PSPC1: variants seen among roughly 807,000 people sequenced by gnomAD.
The protein encoded by PSPC1 is paraspeckle component 1, also known as paraspeckle protein 1.
A neutral mutation model predicts 51.6 loss-of-function variants in PSPC1; 14 were observed. That is an observed-to-expected ratio of 0.27 (90% CI 0.18 to 0.42). PSPC1 has a LOEUF of 0.42. Ranked by LOEUF, PSPC1 falls within the 10% of genes least tolerant of loss-of-function variation. PSPC1 has a pLI of 1.00. For synonymous variants in PSPC1, 193 were observed against 231.9 expected, an observed-to-expected ratio of 0.83 and a Z score of 1.53; for missense variants, 406 against 701.1, an observed-to-expected ratio of 0.58 and a Z score of 4.75.
chr13:19,700,479 A>T (rs935967455), downstream of PSPC1, among the ~76,000 whole-genome samples: 4 of 152,160 alleles, frequency 2.6e-5, no homozygotes, highest in African/African-American at 9.6e-5. Flanking sequence ...TCAAGAAAGA[A>T]TAGCAAATTG....
intron 5 of PSPC1, chr13:19,736,856 A>AT (rs1884893621): frequency 6.6e-6 from 1 of 152,182 alleles, no homozygotes; most frequent in Admixed American, 6.5e-5. Flanking sequence ...TACTGGCACA[A>AT]TATTATAATT....
chr13:19,678,136 GTCCCTCCTTAT>G, intron 6 of PSPC1: 1 of 275,948 alleles, frequency 3.6e-6, no homozygotes, highest in Non-Finnish European at 7.1e-6. Flanking sequence ...AATTGGCTAA[GTCCCTCCTTAT>G]TTCCACAGGC....
intron 8 of PSPC1, 72 bp downstream of exon 8, chr13:19,705,588 TAA>T (rs1481039158): frequency 3.9e-6 from 4 of 1,018,124 alleles, no homozygotes; most frequent in African/African-American, 3.3e-5. Flanking sequence ...CAAATTATAT[TAA>T]GTGTGAAGTT....
At chr13:19,689,507 CATA>C (rs747144623) in intron 6 of PSPC1, among the ~76,000 whole-genome samples, 1 of 152,166 alleles carries the variant, frequency 6.6e-6, no homozygotes, top group Non-Finnish European at 1.5e-5. Context: ...AAAATTATAT[CATA>C]ATGTCAACTT....
intron 6 of PSPC1, among the ~76,000 whole-genome samples, chr13:19,690,389 C>A (rs187952461): frequency 1.3e-5 from 2 of 152,296 alleles, no homozygotes; most frequent in Admixed American, 6.5e-5. Flanking sequence ...CATTTCCTGA[C>A]GAGTTGCTCC....
chr13:19,756,033 T>G (rs1341990008), intron 3 of PSPC1, among the ~76,000 whole-genome samples: 1 of 152,026 alleles, frequency 6.6e-6, no homozygotes, highest in Non-Finnish European at 1.5e-5. Flanking sequence ...GGTCAGGAGT[T>G]CGAGTCCAGC....
rs192207269 is a variant in PSPC1 at position 19,706,241 on chromosome 13, A to G, written c.1217-410T>C. 5.3e-5 allele frequency among the ~76,000 whole-genome samples: 8 copies of G among 152,326 alleles called. No individual in the cohort carries two copies. The East Asian group carries it at 1.3e-3, about 26-fold the overall frequency. On this transcript the variant is annotated intron_variant, in intron 7 of 8. Transcript: ENST00000338910. ...AATTTTTTTCAACCCATGGCTAAAA[A>G]TATTAGCAGTAAATTATGCTAAGTT...
chr13:19,765,925 T>C (rs1376095691), intron 2 of PSPC1, among the ~76,000 whole-genome samples: 2 of 152,168 alleles, frequency 1.3e-5, no homozygotes, highest in Admixed American at 1.3e-4. Context: ...ATTTTTTTTG[T>C]CTAAAAGTAA....
At chr13:19,774,387 T>C (rs969660233) in intron 1 of PSPC1, among the ~76,000 whole-genome samples, 6 of 152,202 alleles carry the variant, frequency 3.9e-5, no homozygotes, top group Non-Finnish European at 7.4e-5. Flanking sequence ...CAGCTTGAAA[T>C]TATTGCCCTT....
intron 6 of PSPC1, among the ~76,000 whole-genome samples, chr13:19,685,227 T>C (rs1342749452): frequency 6.6e-6 from 1 of 152,198 alleles, no homozygotes; most frequent in East Asian, 1.9e-4. Context: ...AGCCCAACCT[T>C]TGGCCCTTGG....
At chr13:19,739,908 T>A (rs1359953846) in intron 5 of PSPC1, among the ~76,000 whole-genome samples, 2 of 151,358 alleles carry the variant, frequency 1.3e-5, no homozygotes, top group East Asian at 1.9e-4. Flanking sequence ...TTCAGATCTA[T>A]CTGAATGCTG....
At chr13:19,722,681 C>T (rs1882913424) in intron 6 of PSPC1, among the ~76,000 whole-genome samples, 1 of 152,036 alleles carries the variant, frequency 6.6e-6, no homozygotes, top group South Asian at 2.1e-4. Flanking sequence ...GTCATCCCAG[C>T]TACTCGGGAG....
intron 2 of PSPC1, among the ~76,000 whole-genome samples, chr13:19,765,869 T>C (rs1269262663): frequency 2.0e-5 from 3 of 152,202 alleles, no homozygotes; most frequent in African/African-American, 7.2e-5. Context: ...AGATAACTCA[T>C]TATTTTCAAC....
At chr13:19,733,188 G>C (rs930366803) in intron 5 of PSPC1, among the ~76,000 whole-genome samples, 1 of 152,172 alleles carries the variant, frequency 6.6e-6, no homozygotes, top group Non-Finnish European at 1.5e-5. Context: ...ATAAATGGGA[G>C]ACAAGGTTCA....
At position 19,730,257 on chromosome 13, in the gene PSPC1, C is replaced by G; in HGVS notation, c.1140G>C (p.Lys380Asn). ...TACTTACATTTTCCATGTAGTTTGG[C>G]TTAAAGCCCTCTTGCTGTCGCCTCA... ...EELRRQQEGF[K>N]PNYMENREQE... Residue 380 changes from lysine (K) to asparagine (N), a missense_variant, in exon 6 of 9, where the codon AAG becomes AAC. Physicochemically the swap from Lys to Asn is moderately conservative, Grantham distance 94. This residue lies in a region of PSPC1 where 61 missense variants were observed against 78.4 expected (regional missense o/e 0.78). Transcript: ENST00000338910. The G allele has an allele frequency of 6.2e-7, 1 of 1,613,942 alleles. No individual in the cohort carries two copies. Among genetic ancestry groups the G allele is most frequent in the Non-Finnish European group, 8.5e-7 (1 of 1,179,920 alleles).
chr13:19,678,977 C>T (rs574289401), intron 6 of PSPC1: 1 of 152,378 alleles, frequency 6.6e-6, no homozygotes, highest in South Asian at 2.1e-4. Context: ...TCGTATGGAA[C>T]TCCTGAGCGC....
At chr13:19,771,767 T>G (rs1308265283) in intron 2 of PSPC1, among the ~76,000 whole-genome samples, 1 of 151,964 alleles carries the variant, frequency 6.6e-6, no homozygotes, top group Non-Finnish European at 1.5e-5. Context: ...ACTACAGGCA[T>G]GCACCACCAC....
chr13:19,710,845 T>G (rs1171197781), intron 6 of PSPC1, among the ~76,000 whole-genome samples: 1 of 150,668 alleles, frequency 6.6e-6, no homozygotes, highest in Non-Finnish European at 1.5e-5. Flanking sequence ...AAGCTTAATT[T>G]TTTTTTTTTT....
Position 19,709,527 on chromosome 13 carries a change from G to A in PSPC1, c.1216+15C>T. ...AAATGATAAATTACAAAAGCCTTTT[G>A]CTTCAAATCCCTACCTCCCATGTTT... On this transcript the variant is annotated intron_variant, in intron 7 of 8. Transcript: ENST00000338910. 6.2e-7 allele frequency: 1 copy of A among 1,604,872 alleles called. No individual in the cohort carries two copies. Among genetic ancestry groups the A allele is most frequent in the Non-Finnish European group, 8.5e-7 (1 of 1,176,436 alleles).
Sources: allele counts gnomAD v4.1 joint callset (sites outside exome capture counted in the v4.1 genomes callset), GRCh38; gene constraint gnomAD v4.1.1; regional missense constraint gnomAD v4.1.1; transcripts MANE v1.5; gene names NCBI Gene and HGNC (gene_info 2026-07-23, HGNC 2026-07-21).